Variants in CRY1 observed in about 807,000 individuals in gnomAD.
CRY1 encodes cryptochrome-1.
Under a neutral mutation model 76.0 loss-of-function variants are expected in CRY1, and 45 were observed. The ratio of observed to expected loss-of-function variants is 0.59; its 90% CI spans 0.47 to 0.76. The LOEUF (loss-of-function observed/expected upper bound fraction) is 0.76. Ranked by LOEUF, CRY1 falls within the 30% of genes least tolerant of loss-of-function variation. The pLI is 0.00. For synonymous variants in CRY1, 248 were observed against 244.0 expected, an observed-to-expected ratio of 1.02 and a Z score of -0.15; for missense variants, 587 against 716.4, an observed-to-expected ratio of 0.82 and a Z score of 2.06.
intron 1 of CRY1, among the ~76,000 whole-genome samples, chr12:107,047,058 C>T (rs1191660338): frequency 6.6e-6 from 1 of 152,186 alleles, no homozygotes; most frequent in Non-Finnish European, 1.5e-5. Context: ...CTTCGTTCCA[C>T]AGTTGTAGAA....
chr12:107,026,710 T>C (rs1429180189), intron 1 of CRY1, among the ~76,000 whole-genome samples: 1 of 151,766 alleles, frequency 6.6e-6, no homozygotes, highest in Non-Finnish European at 1.5e-5. Flanking sequence ...GTAGAGTCTC[T>C]AGCACATGGT....
rs143615871 is a variant in CRY1, at chr12:106,994,008, A to G, written c.1586-972T>C. Reference sequence around the variant, plus strand: ...ACAAAGATGAGCAGAGAAAAATGCAATTTGTGTTGCAGAGATTAAGAATGT... The same window carrying G: ...ACAAAGATGAGCAGAGAAAAATGCAGTTTGTGTTGCAGAGATTAAGAATGT... On this transcript the variant is annotated intron_variant, in intron 10 of 12. Coordinates refer to ENST00000008527, the MANE Select transcript of CRY1 (RefSeq NM_004075.5). Among the ~76,000 whole-genome samples the G allele has an allele frequency of 5.3e-3, 811 of 152,186 alleles. 8 individuals are homozygous for G. The highest frequency in any genetic ancestry group is 7.0e-3 in the Non-Finnish European group (476 of 68,010).
In CRY1 at chr12:106,999,584, C is replaced by G; in HGVS notation, c.1104G>C (p.Gly368=). 6.2e-7 allele frequency: 1 copy of G among 1,613,978 alleles called. No homozygotes were observed. The highest frequency in any genetic ancestry group is 1.3e-5 in the African/African-American group (1 of 75,044). The part of the protein sequence containing the change: ...RHAVACFLTR[G]DLWISWEEGM... ...CTTCTTCCCAACTAATCCACAGGTC[C>G]CCTCGTGTCAGGAAGCAAGCAACTG... Residue 368 remains glycine, a synonymous_variant, in exon 7 of 13, where the codon GGG becomes GGC. Coordinates refer to ENST00000008527, the MANE Select transcript of CRY1 (RefSeq NM_004075.5).
chr12:107,034,198 A>G (rs1952708193), intron 1 of CRY1, among the ~76,000 whole-genome samples: 1 of 152,144 alleles, frequency 6.6e-6, no homozygotes, highest in African/African-American at 2.4e-5. Context: ...CTCACTCCAC[A>G]TTATACACTA....
chr12:107,033,891 C>A (rs1285296164), intron 1 of CRY1, among the ~76,000 whole-genome samples: 1 of 149,808 alleles, frequency 6.7e-6, no homozygotes, highest in African/African-American at 2.5e-5. Context: ...GCAGGTTGAG[C>A]ATCCCAAATC....
intron 1 of CRY1, among the ~76,000 whole-genome samples, chr12:107,064,250 T>G (rs1394144986): frequency 2.6e-5 from 4 of 151,882 alleles, no homozygotes; most frequent in Admixed American, 2.6e-4. Context: ...CATAAAGAAC[T>G]CTCAAAACTC....
intron 1 of CRY1, among the ~76,000 whole-genome samples, chr12:107,068,792 T>A (rs546322660): frequency 6.6e-6 from 1 of 152,304 alleles, no homozygotes; most frequent in Admixed American, 6.5e-5. Context: ...TGCTTTCTGT[T>A]TCTATGAATT....
intron 1 of CRY1, among the ~76,000 whole-genome samples, chr12:107,067,650 C>T (rs1185948792): frequency 6.6e-6 from 1 of 151,950 alleles, no homozygotes; most frequent in African/African-American, 2.4e-5. Context: ...GGAAAAGAGG[C>T]CCTTCCATGA....
At chr12:107,028,668 C>A (rs893908686) in intron 1 of CRY1, among the ~76,000 whole-genome samples, 1 of 152,084 alleles carries the variant, frequency 6.6e-6, no homozygotes, top group Admixed American at 6.6e-5. Context: ...AATATGTGGG[C>A]ATGATATAAG....
chr12:107,040,798 G>A (rs1952790082), intron 1 of CRY1, among the ~76,000 whole-genome samples: 1 of 151,940 alleles, frequency 6.6e-6, no homozygotes, highest in South Asian at 2.1e-4. Flanking sequence ...AACAAAAAAG[G>A]TCAATTACTA....
intron 1 of CRY1, among the ~76,000 whole-genome samples, chr12:107,054,524 T>C (rs897902936): frequency 6.6e-6 from 1 of 150,892 alleles, no homozygotes; most frequent in Non-Finnish European, 1.5e-5. Context: ...TCCAAATACT[T>C]TGGTAATTAT....
chr12:107,090,826 T>C (rs1347745040), intron 1 of CRY1, among the ~76,000 whole-genome samples: 1 of 152,198 alleles, frequency 6.6e-6, no homozygotes, highest in East Asian at 1.9e-4. Flanking sequence ...GCTATCTCCA[T>C]TTGAATGTGT....
intron 2 of CRY1, among the ~76,000 whole-genome samples, chr12:107,006,989 T>C (rs926114760): frequency 6.6e-6 from 1 of 152,120 alleles, no homozygotes; most frequent in African/African-American, 2.4e-5. Context: ...AAAAAAATAG[T>C]ATCTCATTAA....
intron 2 of CRY1, among the ~76,000 whole-genome samples, chr12:107,020,186 C>CA (rs5800723): frequency 0.69 from 92,766 of 134,748 alleles, 31,230 homozygotes; most frequent in East Asian, 0.93. Context: ...TTCATACAAG[C>CA]AAAAAAAAAA....
intron 2 of CRY1, among the ~76,000 whole-genome samples, chr12:107,005,830 T>C (rs1952367900): frequency 1.3e-5 from 2 of 152,148 alleles, no homozygotes; most frequent in East Asian, 1.9e-4. Context: ...GAGATGGTAA[T>C]AATAATAGCA....
At chr12:107,088,412 T>G (rs1025946078) in intron 1 of CRY1, among the ~76,000 whole-genome samples, 1 of 152,216 alleles carries the variant, frequency 6.6e-6, no homozygotes, top group East Asian at 1.9e-4. Flanking sequence ...CCTGCAAAAC[T>G]ATGAACCAAG....
intron 3 of CRY1, 106 bp downstream of exon 3, chr12:107,005,000 T>G (rs1257733271): frequency 1.0e-6 from 1 of 997,760 alleles, no homozygotes; most frequent in East Asian, 2.6e-5. Context: ...AGTTAAAAAC[T>G]TATCTATGTA....
chr12:107,056,205 T>A (rs1029000854), intron 1 of CRY1, among the ~76,000 whole-genome samples: 1 of 152,194 alleles, frequency 6.6e-6, no homozygotes, highest in African/African-American at 2.4e-5. Flanking sequence ...TAAGCCAAGA[T>A]GCCAAAAGGC....
chr12:107,000,801 C>CTTT (rs2136822699), intron 5 of CRY1, among the ~76,000 whole-genome samples: 1 of 151,926 alleles, frequency 6.6e-6, no homozygotes, highest in Non-Finnish European at 1.5e-5. Context: ...AGGCACACAC[C>CTTT]ACCACCCTGG....
Sources: allele counts gnomAD v4.1 joint callset (sites outside exome capture counted in the v4.1 genomes callset), GRCh38; gene constraint gnomAD v4.1.1; transcripts MANE v1.5; gene names NCBI Gene and HGNC (gene_info 2026-07-23, HGNC 2026-07-21).